The following ADAMTS9 variants were observed in gnomAD, a reference collection of about 807,000 sequenced individuals.
The protein encoded by ADAMTS9 is A disintegrin and metalloproteinase with thrombospondin motifs 9.
ADAMTS9 carries 107 observed loss-of-function variants against 257.1 expected under a neutral mutation model. That is an observed-to-expected ratio of 0.42 (90% CI 0.36 to 0.49). The LOEUF (loss-of-function observed/expected upper bound fraction) is 0.49. Among genes scored for constraint, ADAMTS9 ranks in the 20% least tolerant of loss-of-function variants. ADAMTS9 has a pLI of 0.03. For synonymous variants in ADAMTS9, 982 were observed against 880.9 expected (o/e 1.11, Z -2.03); for missense variants, 2,353 against 2,469.1 (o/e 0.95, Z 1.00).
intron 3 of ADAMTS9, among the ~76,000 whole-genome samples, chr3:64,667,657 C>T (rs967039969): frequency 1.6e-4 from 24 of 152,268 alleles, no homozygotes; most frequent in African/African-American, 5.3e-4. Flanking sequence ...CCCCCAAAAG[C>T]CCTTCTGTGT....
intron 19 of ADAMTS9, among the ~76,000 whole-genome samples, chr3:64,616,638 G>A (rs1351875791): frequency 2.0e-5 from 3 of 151,984 alleles, no homozygotes; most frequent in Non-Finnish European, 2.9e-5. Flanking sequence ...GATTATGGGG[G>A]GACACAGTAG....
chr3:64,530,554 G>C (rs73834487), intron 38 of ADAMTS9, among the ~76,000 whole-genome samples: 1 of 145,866 alleles, frequency 6.9e-6, no homozygotes, highest in Admixed American at 6.9e-5. Flanking sequence ...AAAAAATGCC[G>C]ACAGGCAATT....
chr3:64,641,471 GC>G (rs1360729246), intron 12 of ADAMTS9, among the ~76,000 whole-genome samples: 21 of 58,732 alleles, frequency 3.6e-4, no homozygotes, highest in African/African-American at 1.6e-3. Flanking sequence ...CCCTCCCCCC[GC>G]CCCCCACCCC....
intron 39 of ADAMTS9, among the ~76,000 whole-genome samples, chr3:64,520,967 G>C (rs1182074015): frequency 6.6e-6 from 1 of 152,052 alleles, no homozygotes; most frequent in African/African-American, 2.4e-5. Context: ...AAATTAAAGA[G>C]CTTCTGCACA....
chr3:64,639,293 G>GTTTT lies in ADAMTS9; in HGVS notation c.1856+2551_1856+2554dup, dbSNP rs753448050. Among the ~76,000 whole-genome samples the GTTTT allele has an allele frequency of 5.8e-3, 330 of 56,508 alleles. 5 individuals are homozygous for GTTTT. Among genetic ancestry groups the GTTTT allele is most frequent in the Middle Eastern group, 0.042 (2 of 48 alleles). The allele number at this position is 56,508 out of a possible 152,430, so 37.1% of individuals were successfully genotyped here. A position where few individuals can be genotyped will look rare whatever the true frequency, so the allele number is the denominator to read the frequency against. The stretch of plus-strand genomic sequence containing the variant: ...GTGCTGACACTCAACTAGGTGGATT[G>GTTTT]TTTTTTTTTTTTTTTTTTTAAAAAA... On this transcript the variant is annotated intron_variant, in intron 12 of 39. Transcript: ENST00000498707.
At chr3:64,653,677 A>G (rs1052228404) in intron 8 of ADAMTS9, among the ~76,000 whole-genome samples, 3 of 152,236 alleles carry the variant, frequency 2.0e-5, no homozygotes, top group African/African-American at 7.2e-5. Context: ...TAATCATCCT[A>G]GAAAGAAAAT....
At chr3:64,529,026 G>T (rs2082945277) in intron 38 of ADAMTS9, among the ~76,000 whole-genome samples, 1 of 152,184 alleles carries the variant, frequency 6.6e-6, no homozygotes, top group African/African-American at 2.4e-5. Flanking sequence ...CTGAGTTGCG[G>T]CAGGTTGGAG....
At chr3:64,572,270 G>A (rs751755742) in intron 28 of ADAMTS9, among the ~76,000 whole-genome samples, 4 of 152,162 alleles carry the variant, frequency 2.6e-5, no homozygotes, top group African/African-American at 9.7e-5. Flanking sequence ...TTGAAATGTG[G>A]TGTTTTGTTC....
chr3:64,656,380 G>A (rs9855230), intron 4 of ADAMTS9, among the ~76,000 whole-genome samples: 87,755 of 151,964 alleles, frequency 0.58, 26,131 homozygotes, highest in East Asian at 0.87. Context: ...GCTGAAAACT[G>A]CATACACACA....
intron 14 of ADAMTS9, among the ~76,000 whole-genome samples, chr3:64,633,178 A>G (rs529744257): frequency 6.6e-6 from 1 of 152,224 alleles, no homozygotes. Context: ...TTTATAGCAA[A>G]GGAGTGTGGG....
At chr3:64,558,979 G>T (rs1346826290) in intron 30 of ADAMTS9, among the ~76,000 whole-genome samples, 3 of 152,186 alleles carry the variant, frequency 2.0e-5, no homozygotes, top group African/African-American at 7.2e-5. Flanking sequence ...TGAAAGAATG[G>T]ATGTGAGAGG....
intron 23 of ADAMTS9, among the ~76,000 whole-genome samples, chr3:64,606,185 T>A (rs1261989590): frequency 6.6e-6 from 1 of 152,230 alleles, no homozygotes; most frequent in Non-Finnish European, 1.5e-5. Context: ...TTTTGTTCTA[T>A]TCACAATGTA....
rs1483244152 is a variant in ADAMTS9, at chr3:64,687,712, T to A, written c.-55A>T. On this transcript the variant is annotated 5_prime_UTR_variant, in exon 1 of 40. Coordinates refer to ENST00000498707, the MANE Select transcript of ADAMTS9 (RefSeq NM_182920.2). This position sits in a 1 kb window ranked among gnomAD's most constrained non-coding sequence, Gnocchi z 4.4. ...CCACCCCCCTCCCTCCTGCCCTCCTTGGCTGCGGCGGCGACGCGAGGCAGC... is the reference window on the plus strand; with the variant it reads ...CCACCCCCCTCCCTCCTGCCCTCCTAGGCTGCGGCGGCGACGCGAGGCAGC... 8 of 1,289,564 alleles carry A rather than the reference T, an allele frequency of 6.2e-6. No individual in the cohort carries two copies. Among genetic ancestry groups the A allele is most frequent in the Non-Finnish European group, 7.2e-6 (7 of 969,352 alleles). The allele number at this position is 1,289,564 out of a possible 1,614,324, so 79.9% of individuals were successfully genotyped here. A position where few individuals can be genotyped will look rare whatever the true frequency, so the allele number is the denominator to read the frequency against.
At position 64,658,546 on chromosome 3, in the gene ADAMTS9, G is replaced by A; in HGVS notation, c.925C>T (p.His309Tyr). The A allele has an allele frequency of 3.7e-6, 6 of 1,613,538 alleles. No homozygotes were observed. The highest frequency in any genetic ancestry group is 5.1e-6 in the Non-Finnish European group (6 of 1,179,892). ...ATATAGTGTTGAAGGTTTTCTCCAT[G>A]GTATGAAACCATTCTGTTGTCTGCC... ...VVADNRMVSY[H>Y]GENLQHYILT... The change falls in exon 4 of 40, where the codon CAT becomes TAT. Residue 309 changes from histidine (H) to tyrosine (Y), a missense_variant. Physicochemically the swap from His to Tyr is moderately conservative, Grantham distance 83. Transcript: ENST00000498707.
At chr3:64,658,452 A>C in intron 4 of ADAMTS9, 50 bp downstream of exon 4, 1 of 1,556,590 alleles carries the variant, frequency 6.4e-7, no homozygotes, top group East Asian at 2.2e-5. Context: ...CCCATTCCCC[A>C]ATGGCACATT....
intron 28 of ADAMTS9, chr3:64,583,866 C>A (rs371423126): frequency 6.6e-6 from 1 of 152,186 alleles, no homozygotes. Context: ...GTTAGGAAGC[C>A]CCCATCTATA....
At chr3:64,594,089 T>A (rs190612157) in intron 28 of ADAMTS9, among the ~76,000 whole-genome samples, 169 bp downstream of exon 28, 1 of 151,882 alleles carries the variant, frequency 6.6e-6, no homozygotes, top group East Asian at 1.9e-4. Context: ...GGCAATATCA[T>A]AAAAAGTTAA....
chr3:64,665,797 T>C (rs1245738525), intron 3 of ADAMTS9, among the ~76,000 whole-genome samples: 5 of 152,244 alleles, frequency 3.3e-5, no homozygotes, highest in African/African-American at 1.2e-4. Context: ...CTATCCCATA[T>C]GAAGGCTCTT....
chr3:64,676,037 G>A (rs929610751), intron 3 of ADAMTS9, among the ~76,000 whole-genome samples: 1 of 152,176 alleles, frequency 6.6e-6, no homozygotes, highest in African/African-American at 2.4e-5. Flanking sequence ...GCCTAATGGA[G>A]ATTAAATCTT....
Sources: allele counts gnomAD v4.1 joint callset (sites outside exome capture counted in the v4.1 genomes callset), GRCh38; gene constraint gnomAD v4.1.1; non-coding constraint Gnocchi (gnomAD v3.1); transcripts MANE v1.5; gene names NCBI Gene and HGNC (gene_info 2026-07-23, HGNC 2026-07-21).